The following MTCL1 variants were observed in gnomAD, a reference collection of about 807,000 sequenced individuals.
The protein encoded by MTCL1 is microtubule crosslinking factor 1.
Under a neutral mutation model 141.4 loss-of-function variants are expected in MTCL1, and 79 were observed. The observed-to-expected ratio is 0.56, with a 90% confidence interval of 0.47 to 0.67. The LOEUF (loss-of-function observed/expected upper bound fraction) is 0.67, where lower values mean the gene tolerates loss of function less well. Ranked by LOEUF, MTCL1 falls within the 30% of genes least tolerant of loss-of-function variation. MTCL1 has a pLI of 0.00. For missense variants in MTCL1, 2,177 were observed against 2,113.9 expected, an observed-to-expected ratio of 1.03 and a Z score of -0.59; for synonymous variants, 914 against 875.8, an observed-to-expected ratio of 1.04 and a Z score of -0.77.
chr18:8,773,302 C>T (rs1407543596), intron 4 of MTCL1, among the ~76,000 whole-genome samples: 3 of 151,964 alleles, frequency 2.0e-5, no homozygotes, highest in Non-Finnish European at 2.9e-5. Flanking sequence ...CAGAAGTGCC[C>T]GTCTCCCTGG....
intron 4 of MTCL1, among the ~76,000 whole-genome samples, chr18:8,776,170 C>T (rs531426838): frequency 3.3e-5 from 5 of 152,334 alleles, no homozygotes; most frequent in Admixed American, 1.3e-4. Context: ...CGAGGTGGAA[C>T]TGCAGAGGGG....
chr18:8,828,935 T>A lies in MTCL1; in HGVS notation c.4750T>A (p.Trp1584Arg). Residue 1584 changes from tryptophan (W) to arginine (R), a missense_variant, in exon 16 of 17, where the codon TGG (tryptophan) becomes AGG (arginine). Transcript: ENST00000359865. The surrounding 1 kb of genome is among the most constrained non-coding windows in gnomAD (Gnocchi z 5.2). ...CCAAACTGTCTTGCTAACTGCCCCCTGGGGACTCTAGCCCTGCCCGCCTCA... is the reference window on the plus strand; with the variant it reads ...CCAAACTGTCTTGCTAACTGCCCCCAGGGGACTCTAGCCCTGCCCGCCTCA... 1 of 1,614,244 alleles carries A rather than the reference T, an allele frequency of 6.2e-7. No individual in the cohort carries two copies. Among genetic ancestry groups the A allele is most frequent in the Non-Finnish European group, 8.5e-7 (1 of 1,180,042 alleles).
rs146312067 is a variant in MTCL1 at position 8,826,166 on chromosome 18, C to G, written c.4656C>G (p.His1552Gln). 6.1e-4 allele frequency: 988 copies of G among 1,612,252 alleles called. 1 individual carries two copies. The highest frequency in any genetic ancestry group is 1.5e-3 in the Middle Eastern group (9 of 6,052). Residue 1552 changes from histidine to glutamine, a missense_variant, in exon 15 of 17, where the codon CAC becomes CAG. Physicochemically the swap from His to Gln is conservative, Grantham distance 24. Transcript: ENST00000359865. The stretch of plus-strand genomic sequence containing the variant: ...AGGAGGAGAGGAGGCAGGCTGCCCA[C>G]GGGCCCCCGGGTCTCCACAGTGACA...
intron 7 of MTCL1, among the ~76,000 whole-genome samples, chr18:8,788,280 G>A (rs904740015): frequency 1.3e-5 from 2 of 152,118 alleles, no homozygotes; most frequent in Admixed American, 1.3e-4. Context: ...AAATAACCAC[G>A]GATTTTGCCC....
chr18:8,716,227 A>G (rs571762723), upstream of MTCL1, among the ~76,000 whole-genome samples: 66 of 152,338 alleles, frequency 4.3e-4, no homozygotes, highest in African/African-American at 1.5e-3. Flanking sequence ...GCATTTGACT[A>G]CTGGGAAGTT....
At chr18:8,813,343 G>A (rs1381203771) in intron 12 of MTCL1, 110 bp downstream of exon 11, 27 of 1,287,268 alleles carry the variant, frequency 2.1e-5, no homozygotes, top group Non-Finnish European at 2.8e-5. Flanking sequence ...GCATCAGGAT[G>A]CATGGGCTTC....
intron 4 of MTCL1, among the ~76,000 whole-genome samples, chr18:8,737,209 TCAAAG>T (rs1287438973): frequency 6.6e-6 from 1 of 152,186 alleles, no homozygotes; most frequent in Non-Finnish European, 1.5e-5. Context: ...ACTTTCATCT[TCAAAG>T]CAACAAACCA....
intron 4 of MTCL1, among the ~76,000 whole-genome samples, chr18:8,737,144 G>A (rs2096278501): frequency 6.6e-6 from 1 of 152,152 alleles, no homozygotes; most frequent in Non-Finnish European, 1.5e-5. Flanking sequence ...CCCTTCTACT[G>A]TGCAGTAAAG....
At chr18:8,819,074 G>A (rs762481232) in exon 13 of MTCL1, 1 of 1,614,258 alleles carries the variant, frequency 6.2e-7, no homozygotes, top group Non-Finnish European at 8.5e-7. Context: ...CCGTCCAGTG[G>A]CCATGTGGCC....
Position 8,809,194 on chromosome 18 carries a change from G to A in MTCL1, c.2604+2134G>A, listed in dbSNP as rs1021966496. On this transcript the variant is annotated intron_variant, in intron 11 of 16. Coordinates refer to ENST00000359865, the Ensembl canonical transcript of MTCL1. The stretch of plus-strand genomic sequence containing the variant: ...AAGATTATTCTGGCTTCAAGATAGA[G>A]AATGGATTAGGAGCCATTAGAATCG... Among the ~76,000 whole-genome samples, 3 of 152,334 alleles carry A rather than the reference G, an allele frequency of 2.0e-5. No individual in the cohort carries two copies. In the South Asian group the frequency reaches 6.2e-4, roughly 32 times the overall value.
In MTCL1 at chr18:8,710,148, A is replaced by AT. The variant is rs557752473; in HGVS notation, c.1053+3442dup. 7.5e-3 allele frequency among the ~76,000 whole-genome samples: 1,138 copies of AT among 152,258 alleles called. 17 individuals are homozygous for AT. The highest frequency in any genetic ancestry group is 0.026 in the African/African-American group (1,059 of 41,526). ...AGCCACCGCGCCCGGCCTGGCCTGT[A>AT]TTTTTTTAAATAGTCAGTGTCAACA... is the stretch of plus-strand genomic sequence containing the variant. On this transcript the variant is annotated intron_variant, in intron 1 of 13. Transcript: ENST00000306329.
At chr18:8,786,114 C>CCCCCCA in intron 7 of MTCL1, 23 bp downstream of exon 6, 2 of 1,387,384 alleles carry the variant, frequency 1.4e-6, no homozygotes, top group Non-Finnish European at 1.9e-6. Context: ...AAGCAATCCC[C>CCCCCCA]CCCCCCCGCC....
rs34227340 is a variant in MTCL1 at position 8,774,297 on chromosome 18, T to A, written c.358-3536T>A. Among the ~76,000 whole-genome samples the A allele has an allele frequency of 9.7e-3, 1,469 of 152,104 alleles. 5 individuals carry two copies. The highest frequency in any genetic ancestry group is 0.017 in the Non-Finnish European group (1,129 of 68,002). ...GTGTATTTTTTTTTAAGGAATTTGGTTAAAATGACATCATGCTTACAAAAT... is the reference window on the plus strand; with the variant it reads ...GTGTATTTTTTTTTAAGGAATTTGGATAAAATGACATCATGCTTACAAAAT... On this transcript the variant is annotated intron_variant, in intron 4 of 16. Coordinates refer to ENST00000359865, the Ensembl canonical transcript of MTCL1.
At chr18:8,749,998 G>C (rs2096362461) in intron 4 of MTCL1, among the ~76,000 whole-genome samples, 1 of 152,130 alleles carries the variant, frequency 6.6e-6, no homozygotes, top group Non-Finnish European at 1.5e-5. Flanking sequence ...TAAAGTTGCT[G>C]TTAGCTGGAT....
chr18:8,729,038 A>T (rs1383215487), intron 4 of MTCL1, among the ~76,000 whole-genome samples: 1 of 143,322 alleles, frequency 7.0e-6, no homozygotes, highest in Admixed American at 7.1e-5. Context: ...GCCCAGCTGG[A>T]TTGCTTGCTT....
chr18:8,789,578 C>G, intron 7 of MTCL1: 1 of 985,348 alleles, frequency 1.0e-6, no homozygotes, highest in Non-Finnish European at 1.2e-6. Flanking sequence ...GACGGGAGTT[C>G]CGGAACACTG....
In MTCL1 at chr18:8,825,872, C is replaced by T. The variant is rs547297988; in HGVS notation, c.4362C>T (p.Pro1454=). 8.6e-5 allele frequency: 139 copies of T among 1,614,140 alleles called. No homozygotes were observed. In the South Asian group the frequency reaches 1.2e-3, roughly 14 times the overall value. The change falls in exon 15 of 17, where the codon CCC becomes CCT. Residue 1454 remains proline, a synonymous_variant. Transcript: ENST00000359865. The stretch of plus-strand genomic sequence containing the variant: ...TCTTCAACATCATTGACCACAGCCC[C>T]GTGGTGCAGGACCCCTTCCAGAAGG...
In MTCL1 at chr18:8,826,238, G is replaced by T; in HGVS notation, c.4722+6G>T. ...CCGAGCCAGGGCCCATGGAGGTAAT[G>T]AATGCTGAGTGCCCCACACCCTTCC... On this transcript the variant is annotated splice_donor_region_variant and intron_variant, in intron 15 of 16. Coordinates refer to ENST00000359865, the Ensembl canonical transcript of MTCL1. 6.3e-7 allele frequency: 1 copy of T among 1,579,666 alleles called. No homozygotes were observed. The highest frequency in any genetic ancestry group is 8.6e-7 in the Non-Finnish European group (1 of 1,162,244).
chr18:8,786,716 G>A (rs188215418), intron 7 of MTCL1: 59 of 234,982 alleles, frequency 2.5e-4, no homozygotes, highest in Admixed American at 6.3e-4. Flanking sequence ...CACCCGACCC[G>A]GGACAGAAAG....
Sources: allele counts gnomAD v4.1 joint callset (sites outside exome capture counted in the v4.1 genomes callset), GRCh38; gene constraint gnomAD v4.1.1; non-coding constraint Gnocchi (gnomAD v3.1); transcripts MANE v1.5; gene names NCBI Gene and HGNC (gene_info 2026-07-23, HGNC 2026-07-21).